Variants in SLC4A4 observed in about 807,000 individuals in gnomAD.
SLC4A4 encodes electrogenic sodium bicarbonate cotransporter 1.
SLC4A4 carries 27 observed loss-of-function variants against 111.5 expected under a neutral mutation model. The observed-to-expected ratio is 0.24, with a 90% CI of 0.18 to 0.33. SLC4A4 has a LOEUF of 0.33. Ranked by LOEUF, SLC4A4 falls within the 10% of genes least tolerant of loss-of-function variation. SLC4A4 has a pLI of 1.00. For synonymous variants in SLC4A4, 443 were observed against 463.4 expected (o/e 0.96, Z 0.57); for missense variants, 909 against 1,315.5 (o/e 0.69, Z 4.78).
At chr4:71,487,126 G>T (rs1191400134) in intron 15 of SLC4A4, 108 bp downstream of exon 15, 6 of 658,614 alleles carry the variant, frequency 9.1e-6, no homozygotes, top group Non-Finnish European at 1.6e-5. Context: ...ATTCTGGCAT[G>T]AACACATACG....
intron 14 of SLC4A4, among the ~76,000 whole-genome samples, chr4:71,478,889 A>T (rs1038355595): frequency 6.6e-6 from 1 of 151,714 alleles, no homozygotes. Context: ...ATTTAATCCA[A>T]ACTTTGGAAA....
chr4:71,421,481 C>T (rs749595163), intron 7 of SLC4A4, among the ~76,000 whole-genome samples: 6 of 152,210 alleles, frequency 3.9e-5, no homozygotes, highest in Middle Eastern at 3.4e-3. Flanking sequence ...CTGCACCAGG[C>T]GGACCTAATA....
chr4:71,258,228 C>T (rs1578693440), intron 3 of SLC4A4, among the ~76,000 whole-genome samples: 1 of 152,206 alleles, frequency 6.6e-6, no homozygotes, highest in African/African-American at 2.4e-5. Context: ...TTTTCTGCCT[C>T]AGGGCCTTTG....
At chr4:71,362,236 G>A (rs566712943) in intron 6 of SLC4A4, among the ~76,000 whole-genome samples, 18 of 152,014 alleles carry the variant, frequency 1.2e-4, no homozygotes, top group Non-Finnish European at 2.4e-4. Flanking sequence ...GCTGAGAATT[G>A]GCTTTAGTAA....
intron 23 of SLC4A4, among the ~76,000 whole-genome samples, chr4:71,562,345 G>A (rs1282480567): frequency 6.6e-6 from 1 of 151,716 alleles, no homozygotes; most frequent in Non-Finnish European, 1.5e-5. Context: ...TTACAAATGT[G>A]GTTCTCCTAA....
chr4:71,352,994 C>T (rs1578899675), intron 5 of SLC4A4, among the ~76,000 whole-genome samples: 1 of 152,092 alleles, frequency 6.6e-6, no homozygotes, highest in African/African-American at 2.4e-5. Context: ...CAGGAAGAGC[C>T]ATCTTAAGGA....
chr4:71,252,909 C>T (rs531203168), intron 2 of SLC4A4, among the ~76,000 whole-genome samples: 12 of 152,188 alleles, frequency 7.9e-5, no homozygotes, highest in African/African-American at 2.9e-4. Flanking sequence ...AATTACACCC[C>T]AGTAAAGGTG....
intron 1 of SLC4A4, among the ~76,000 whole-genome samples, chr4:71,091,485 C>T (rs1742387184): frequency 6.6e-6 from 1 of 150,766 alleles, no homozygotes; most frequent in East Asian, 2.0e-4. Context: ...GATCTCCTGA[C>T]CTCATGATCT....
intron 7 of SLC4A4, among the ~76,000 whole-genome samples, chr4:71,409,107 A>G (rs566549935): frequency 6.6e-6 from 1 of 152,324 alleles, no homozygotes; most frequent in Admixed American, 6.5e-5. Flanking sequence ...GTTCAATTAA[A>G]TCTCATTTTC....
intron 3 of SLC4A4, among the ~76,000 whole-genome samples, chr4:71,334,044 G>C (rs370824602): frequency 6.6e-6 from 1 of 152,122 alleles, no homozygotes; most frequent in East Asian, 1.9e-4. Context: ...GCAAGACAAA[G>C]TCACCTTCAT....
intron 1 of SLC4A4, among the ~76,000 whole-genome samples, chr4:71,224,109 C>T (rs2149025916): frequency 6.6e-6 from 1 of 152,212 alleles, no homozygotes; most frequent in South Asian, 2.1e-4. Flanking sequence ...CCCTCAGATA[C>T]TGGAGAACTC....
At chr4:71,528,198 C>A (rs1175983613) in intron 16 of SLC4A4, among the ~76,000 whole-genome samples, 1 of 152,090 alleles carries the variant, frequency 6.6e-6, no homozygotes, top group Non-Finnish European at 1.5e-5. Flanking sequence ...TCCGGATCCA[C>A]TGATAGTTCT....
At chr4:71,073,202 CT>C (rs1394523765) in intron 1 of SLC4A4, among the ~76,000 whole-genome samples, 2 of 151,960 alleles carry the variant, frequency 1.3e-5, no homozygotes, top group Non-Finnish European at 2.9e-5. Context: ...AGTTTAACAA[CT>C]GATAGATCAT....
chr4:71,443,116 C>CTATATATA lies in SLC4A4; in HGVS notation c.965+2372_965+2379dup, dbSNP rs1168996571. ...TCTCTCTCTCTCTCTCTCTCTCTCT[C>CTATATATA]TATATATATATATATATATATATAT... On this transcript the variant is annotated intron_variant, in intron 8 of 25. Transcript: ENST00000264485. Among the ~76,000 whole-genome samples, 80 of 65,648 alleles carry CTATATATA rather than the reference C, an allele frequency of 1.2e-3. 2 individuals are homozygous for CTATATATA. Among genetic ancestry groups the CTATATATA allele is most frequent in the Non-Finnish European group, 1.3e-3 (52 of 38,930 alleles). 43.1% of individuals were successfully genotyped at this position (65,648 alleles called of 152,430 possible).
intron 9 of SLC4A4, among the ~76,000 whole-genome samples, chr4:71,450,010 T>C (rs528489881): frequency 1.3e-5 from 2 of 152,330 alleles, no homozygotes; most frequent in East Asian, 3.9e-4. Context: ...CAGCAATTTT[T>C]ATCCCAGTAG....
At chr4:71,244,162 G>A (rs1486365436) in intron 2 of SLC4A4, among the ~76,000 whole-genome samples, 1 of 152,160 alleles carries the variant, frequency 6.6e-6, no homozygotes, top group Non-Finnish European at 1.5e-5. Flanking sequence ...ATGGATACGT[G>A]TGTTTGACAA....
chr4:71,401,949 T>G (rs986728093), intron 7 of SLC4A4, among the ~76,000 whole-genome samples: 1 of 152,214 alleles, frequency 6.6e-6, no homozygotes, highest in Non-Finnish European at 1.5e-5. Flanking sequence ...TTCTGTGATA[T>G]TCATTATTTA....
At chr4:71,422,885 T>C (rs1722693146) in intron 7 of SLC4A4, among the ~76,000 whole-genome samples, 1 of 152,344 alleles carries the variant, frequency 6.6e-6, no homozygotes, top group African/African-American at 2.4e-5. Context: ...AATATCATAC[T>C]GAATGGGCAG....
At chr4:71,118,103 C>T (rs1216404586) in intron 2 of SLC4A4, among the ~76,000 whole-genome samples, 4 of 152,134 alleles carry the variant, frequency 2.6e-5, no homozygotes, top group Non-Finnish European at 4.4e-5. Flanking sequence ...CTCGAACTCC[C>T]GACCTCAGGT....
Sources: allele counts gnomAD v4.1 joint callset (sites outside exome capture counted in the v4.1 genomes callset), GRCh38; gene constraint gnomAD v4.1.1; transcripts MANE v1.5; gene names NCBI Gene and HGNC (gene_info 2026-07-23, HGNC 2026-07-21).